NRG2: variants seen among roughly 807,000 people sequenced by gnomAD.
NRG2 encodes pro-neuregulin-2, membrane-bound isoform.
In NRG2, 27 loss-of-function variants were observed where a neutral mutation model predicts 73.9. The ratio of observed to expected loss-of-function variants is 0.37; its 90% confidence interval spans 0.27 to 0.50. NRG2 has a LOEUF of 0.50. NRG2 is among the 20% of genes least tolerant of loss of function. The pLI is 0.96. For missense variants in NRG2, 1,126 were observed against 1,210.1 expected (o/e 0.93, Z 1.03); for synonymous variants, 532 against 541.0 (o/e 0.98, Z 0.23).
At chr5:139,941,060 G>A (rs1454427242) in intron 1 of NRG2, among the ~76,000 whole-genome samples, 2 of 152,128 alleles carry the variant, frequency 1.3e-5, no homozygotes, top group Non-Finnish European at 1.5e-5. Flanking sequence ...AAGATCACAA[G>A]GAAAGAAAGA....
chr5:139,966,498 G>T (rs1436001603), intron 1 of NRG2, among the ~76,000 whole-genome samples: 3 of 152,168 alleles, frequency 2.0e-5, no homozygotes, highest in Non-Finnish European at 4.4e-5. Flanking sequence ...CTACTCTTGG[G>T]AGCTGGGAAG....
Position 139,896,801 on chromosome 5 carries a change from C to T in NRG2, c.701-9290G>A, listed in dbSNP as rs185903243. On this transcript the variant is annotated intron_variant, in intron 1 of 9. Transcript: ENST00000361474. ...TCAGGTCATACTGCTCCCCACCCCC[C>T]AGTACCATGACATGAACAGTGTACA... Among the ~76,000 whole-genome samples, 557 of 152,270 alleles carry T rather than the reference C, an allele frequency of 3.7e-3. 4 individuals are homozygous for T. The highest frequency in any genetic ancestry group is 0.013 in the African/African-American group (528 of 41,540).
intron 1 of NRG2, among the ~76,000 whole-genome samples, chr5:139,969,946 CAATG>C (rs1015765880): frequency 6.6e-6 from 1 of 152,138 alleles, no homozygotes; most frequent in Admixed American, 6.5e-5. Context: ...GCAATAAAAA[CAATG>C]AATGTCATTT....
At chr5:139,964,047 C>T (rs1356248571) in intron 1 of NRG2, among the ~76,000 whole-genome samples, 8 of 152,274 alleles carry the variant, frequency 5.3e-5, no homozygotes, top group African/African-American at 1.9e-4. Context: ...TCTGTGCTGC[C>T]CAGTTCCTCA....
intron 1 of NRG2, among the ~76,000 whole-genome samples, chr5:140,016,019 T>C (rs1023098164): frequency 5.9e-5 from 9 of 152,194 alleles, no homozygotes; most frequent in African/African-American, 2.2e-4. Flanking sequence ...CATCATTCAT[T>C]CTACACTGGG....
chr5:139,926,102 G>A (rs1752039462), intron 1 of NRG2, among the ~76,000 whole-genome samples: 1 of 152,334 alleles, frequency 6.6e-6, no homozygotes, highest in Non-Finnish European at 1.5e-5. Flanking sequence ...AGAGCCTAGG[G>A]CCTTCCTCTG....
Position 140,042,785 on chromosome 5 carries a change from G to C in NRG2, c.285C>G (p.Arg95=), listed in dbSNP as rs1710073209. 7 of 1,520,502 alleles carry C rather than the reference G, an allele frequency of 4.6e-6. No homozygotes were observed. The highest frequency in any genetic ancestry group is 6.2e-6 in the Non-Finnish European group (7 of 1,135,510). The allele number at this position is 1,520,502 out of a possible 1,614,324, so 94.2% of individuals were successfully genotyped here. A position where few individuals can be genotyped will look rare whatever the true frequency, so the allele number is the denominator to read the frequency against. Residue 95 remains arginine, a synonymous_variant, in exon 1 of 10, where the codon CGC becomes CGG. Transcript: ENST00000361474. ...SRAAAAGGMR[R]DPAPGFSMLL... ...GCATGGAGAAGCCGGGGGCCGGGTC[G>C]CGCCTCATGCCGCCGGCGGCTGCGG...
chr5:139,969,956 C>G (rs1320499242), intron 1 of NRG2, among the ~76,000 whole-genome samples: 2 of 152,168 alleles, frequency 1.3e-5, no homozygotes, highest in Non-Finnish European at 2.9e-5. Context: ...CAATGAATGT[C>G]ATTTTACTAT....
Position 139,865,251 on chromosome 5 carries a change from C to T in NRG2, c.1189+298G>A. 5 of 1,196,534 alleles carry T rather than the reference C, an allele frequency of 4.2e-6. No homozygotes were observed. Among genetic ancestry groups the T allele is most frequent in the East Asian group, 2.4e-5 (1 of 42,406 alleles). The allele number at this position is 1,196,534 out of a possible 1,614,324, so 74.1% of individuals were successfully genotyped here. On this transcript the variant is annotated intron_variant, in intron 5 of 9. Coordinates refer to ENST00000361474, the MANE Select transcript of NRG2 (RefSeq NM_004883.3). This position sits in a 1 kb window ranked among gnomAD's most constrained non-coding sequence, Gnocchi z 5.2. Reference sequence around the variant, plus strand: ...CATTGCAACACCCCGGCACGGGCTCCTGCCAATGCCAGCTGGGTTCCTTGC... The same window carrying T: ...CATTGCAACACCCCGGCACGGGCTCTTGCCAATGCCAGCTGGGTTCCTTGC...
intron 1 of NRG2, among the ~76,000 whole-genome samples, chr5:139,990,039 C>T (rs2936652): frequency 0.4 from 59,942 of 150,732 alleles, 12,319 homozygotes; most frequent in South Asian, 0.57. Context: ...CCGCCCACCT[C>T]GGCCTCCCAA....
chr5:139,861,356 G>C (rs7732915), intron 5 of NRG2, among the ~76,000 whole-genome samples: 5,611 of 152,232 alleles, frequency 0.037, 353 homozygotes, highest in African/African-American at 0.13. Flanking sequence ...GAAGTCCTGC[G>C]CATTATCCAT....
chr5:139,906,093 C>T (rs2127182684), intron 1 of NRG2, among the ~76,000 whole-genome samples: 1 of 152,262 alleles, frequency 6.6e-6, no homozygotes, highest in East Asian at 1.9e-4. Context: ...CTGCAACCTC[C>T]TCCTCTCGGG....
intron 1 of NRG2, among the ~76,000 whole-genome samples, chr5:139,897,149 G>C (rs994859566): frequency 6.6e-6 from 1 of 152,220 alleles, no homozygotes. Context: ...CGAGTTGAGA[G>C]GGTCAGACAT....
intron 5 of NRG2, among the ~76,000 whole-genome samples, chr5:139,857,379 G>A (rs1245114806): frequency 6.6e-6 from 1 of 152,136 alleles, no homozygotes; most frequent in Non-Finnish European, 1.5e-5. Flanking sequence ...GATCGTGCCA[G>A]ATGGCCCTCC....
At chr5:139,927,764 CA>C (rs67854211) in intron 1 of NRG2, among the ~76,000 whole-genome samples, 9,606 of 82,564 alleles carry the variant, frequency 0.12, 263 homozygotes, top group Middle Eastern at 0.12. Flanking sequence ...AACCTTGTCT[CA>C]AAAAAAAAAA....
Position 139,848,251 on chromosome 5 carries a change from G to C in NRG2, c.2219C>G (p.Pro740Arg). ...RGASRRTSAG[P>R]RRWRRSRLNG... ...GAGGCGCGAGCGGCGCCAGCGCCGGGGCCCCGCCGACGTCCTGCGGGACGC... is the reference window on the plus strand; with the variant it reads ...GAGGCGCGAGCGGCGCCAGCGCCGGCGCCCCGCCGACGTCCTGCGGGACGC... Residue 740 changes from proline (P) to arginine (R), a missense_variant, in exon 10 of 10, where the codon CCC becomes CGC. Pro to Arg is a moderately radical substitution (Grantham distance 103, BLOSUM62 -2). This residue lies in a region of NRG2 where 402 missense variants were observed against 357.8 expected (regional missense o/e 1.12). Transcript: ENST00000361474. 2.7e-6 allele frequency: 3 copies of C among 1,123,124 alleles called. No individual in the cohort carries two copies. Among genetic ancestry groups the C allele is most frequent in the Non-Finnish European group, 3.3e-6 (3 of 920,438 alleles). The allele number at this position is 1,123,124 out of a possible 1,614,324, so 69.6% of individuals were successfully genotyped here. A position where few individuals can be genotyped will look rare whatever the true frequency, so the allele number is the denominator to read the frequency against.
At chr5:139,989,166 A>G (rs1363743918) in intron 1 of NRG2, among the ~76,000 whole-genome samples, 1 of 151,958 alleles carries the variant, frequency 6.6e-6, no homozygotes, top group Non-Finnish European at 1.5e-5. Flanking sequence ...TCCCACATCT[A>G]AGTCATCAGA....
chr5:139,911,005 C>T (rs1296544073), intron 1 of NRG2, among the ~76,000 whole-genome samples: 1 of 151,964 alleles, frequency 6.6e-6, no homozygotes, highest in Non-Finnish European at 1.5e-5. Context: ...GGTGGGGAGC[C>T]TCCCCTGGCT....
chr5:139,993,423 A>T (rs1174051859), intron 1 of NRG2, among the ~76,000 whole-genome samples: 1 of 152,194 alleles, frequency 6.6e-6, no homozygotes, highest in East Asian at 1.9e-4. Context: ...TTTGGCCATT[A>T]GCTATTCTCT....
Sources: allele counts gnomAD v4.1 joint callset (sites outside exome capture counted in the v4.1 genomes callset), GRCh38; gene constraint gnomAD v4.1.1; regional missense constraint gnomAD v4.1.1; non-coding constraint Gnocchi (gnomAD v3.1); transcripts MANE v1.5; gene names NCBI Gene and HGNC (gene_info 2026-07-23, HGNC 2026-07-21).